Variants in PYCR3 observed in about 807,000 individuals in gnomAD.
PYCR3 encodes the protein pyrroline-5-carboxylate reductase 3.
In PYCR3, 26 loss-of-function variants were observed where a neutral mutation model predicts 23.4. The ratio of observed to expected loss-of-function variants is 1.11; its 90% CI spans 0.81 to 1.54. The LOEUF (loss-of-function observed/expected upper bound fraction) is 1.54, where lower values mean the gene tolerates loss of function less well. Among genes scored for constraint, PYCR3 ranks in the 40% most tolerant of loss-of-function variants. The pLI is 0.00. For synonymous variants in PYCR3, 194 were observed against 162.6 expected (o/e 1.19, Z -1.47); for missense variants, 360 against 376.3 (o/e 0.96, Z 0.36).
chr8:143,608,248 C>G lies in PYCR3; in HGVS notation c.92-122G>C, dbSNP rs1407994096. ...CGCCTGGCCCATCCTGGGCCCCCTCCTGGCCCCAGGAACCCAAAGCGGGAT... is the reference window on the plus strand; with the variant it reads ...CGCCTGGCCCATCCTGGGCCCCCTCGTGGCCCCAGGAACCCAAAGCGGGAT... On this transcript the variant is annotated intron_variant, in intron 1 of 5. Transcript: ENST00000495276. The G allele has an allele frequency of 5.5e-6, 4 of 723,292 alleles. No individual in the cohort carries two copies. The East Asian group carries it at 8.0e-5, about 14-fold the overall frequency. 44.8% of individuals were successfully genotyped at this position (723,292 alleles called of 1,614,324 possible). A position where few individuals can be genotyped will look rare whatever the true frequency, so the allele number is the denominator to read the frequency against.
In PYCR3 at chr8:143,606,946, C is replaced by T. The variant is rs370887518; in HGVS notation, c.336+7G>A. The T allele has an allele frequency of 9.6e-5, 152 of 1,588,808 alleles. No individual in the cohort carries two copies. The highest frequency in any genetic ancestry group is 1.2e-4 in the Non-Finnish European group (140 of 1,163,670). On this transcript the variant is annotated splice_region_variant and intron_variant, in intron 3 of 5. Transcript: ENST00000495276. ...GGGACCAAGGCCTTAGCCCAAGGGA[C>T]ACTCACCTCCTCCAGGGTGCTCAGA...
rs1243008132 is a variant in PYCR3, at chr8:143,603,245, T to A, written c.*2455A>T. On this transcript the variant is annotated 3_prime_UTR_variant, in exon 6 of 6. Transcript: ENST00000495276. ...GAGCATCCCTGTTTTGAAGTCTTATTTTTAAACTCTTGATCCAACGCTTGG... is the reference window on the plus strand; with the variant it reads ...GAGCATCCCTGTTTTGAAGTCTTATATTTAAACTCTTGATCCAACGCTTGG... 5.3e-5 allele frequency: 8 copies of A among 152,200 alleles called. No homozygotes were observed. The highest frequency in any genetic ancestry group is 5.2e-4 in the Admixed American group (8 of 15,284). The allele number at this position is 152,200 out of a possible 1,614,324, so 9.4% of individuals were successfully genotyped here.
chr8:143,606,036 G>A, intron 5 of PYCR3, 26 bp downstream of exon 5: 1 of 1,595,808 alleles, frequency 6.3e-7, no homozygotes, highest in South Asian at 1.1e-5. Flanking sequence ...CCTTCCCGAT[G>A]TTCCCCAGGG....
rs1314245948 is a variant in PYCR3 at position 143,605,695 on chromosome 8, C to A, written c.*5G>T. ...AGAGGCAGGAAAGGATGGCCAGAGC[C>A]CAGCCTACTTTCTGCTGAGCTCCTT... is the stretch of plus-strand genomic sequence containing the variant. On this transcript the variant is annotated 3_prime_UTR_variant, in exon 6 of 6. Coordinates refer to ENST00000495276, the MANE Select transcript of PYCR3 (RefSeq NM_023078.6). 6.3e-7 allele frequency: 1 copy of A among 1,589,144 alleles called. No individual in the cohort carries two copies.
rs1483058508 is a variant in PYCR3, at chr8:143,605,761, G to A, written c.764C>T (p.Ala255Val). The change falls in exon 6 of 6, where the codon GCA becomes GTA. Residue 255 changes from alanine to valine, a missense_variant. Physicochemically the swap from Ala to Val is moderately conservative, Grantham distance 64 (BLOSUM62 0). Transcript: ENST00000495276. ...AGCCTCCACGGCGCTCATGGTGGCT[G>A]CTCGCAGCCCGCCCTGCTCCAGGGC... ...LHALEQGGLRAATMSAVEAAT... is the reference protein window; with the variant it reads ...LHALEQGGLRVATMSAVEAAT... 2.5e-6 allele frequency: 4 copies of A among 1,610,490 alleles called. No individual in the cohort carries two copies. The East Asian group carries it at 8.9e-5, about 36-fold the overall frequency.
At position 143,603,586 on chromosome 8, in the gene PYCR3, A is replaced by G. The variant is rs1454984542; in HGVS notation, c.*2114T>C. On this transcript the variant is annotated 3_prime_UTR_variant, in exon 6 of 6. Coordinates refer to ENST00000495276, the MANE Select transcript of PYCR3 (RefSeq NM_023078.6). ...GGAGACAGGTGTTGGTGCAAAGTCA[A>G]TGATTTCTCCTTGCAGATGGGCTTG... 1.3e-5 allele frequency among the ~76,000 whole-genome samples: 2 copies of G among 152,160 alleles called. No individual in the cohort carries two copies. Among genetic ancestry groups the G allele is most frequent in the South Asian group, 2.1e-4 (1 of 4,832 alleles).
Position 143,605,265 on chromosome 8 carries a change from C to G in PYCR3, c.*435G>C, listed in dbSNP as rs1376569875. ...AGCTGAGATGAGGCAGCCGGCCTGG[C>G]TGTAGCTGCACGGAGCCACCTGGAA... On this transcript the variant is annotated 3_prime_UTR_variant, in exon 6 of 6. Transcript: ENST00000495276. 3.5e-6 allele frequency: 1 copy of G among 282,770 alleles called. No homozygotes were observed. The highest frequency in any genetic ancestry group is 6.9e-6 in the Non-Finnish European group (1 of 144,838). The allele number at this position is 282,770 out of a possible 1,614,324, so 17.5% of individuals were successfully genotyped here.
In PYCR3 at chr8:143,603,622, A is replaced by C. The variant is rs1184093591; in HGVS notation, c.*2078T>G. Among the ~76,000 whole-genome samples, 1 of 152,222 alleles carries C rather than the reference A, an allele frequency of 6.6e-6. No homozygotes were observed. The highest frequency in any genetic ancestry group is 1.5e-5 in the Non-Finnish European group (1 of 68,032). Reference sequence around the variant, plus strand: ...TTGCAGATGGGCTTGGTGTGAATGCAGGTGGCCGTCAGAAGGGCTGTCCAC... The same window carrying C: ...TTGCAGATGGGCTTGGTGTGAATGCCGGTGGCCGTCAGAAGGGCTGTCCAC... On this transcript the variant is annotated 3_prime_UTR_variant, in exon 6 of 6. Coordinates refer to ENST00000495276, the MANE Select transcript of PYCR3 (RefSeq NM_023078.6).
chr8:143,605,982 G>A (rs989765359), intron 5 of PYCR3, 80 bp downstream of exon 5: 17 of 1,556,650 alleles, frequency 1.1e-5, no homozygotes, highest in Admixed American at 1.8e-5. Flanking sequence ...CCAGCTTCTC[G>A]AGCCTGCTGT....
intron 4 of PYCR3, 88 bp from the exon 5 acceptor site, chr8:143,606,242 G>A (rs1462541868): frequency 1.5e-5 from 20 of 1,352,496 alleles, no homozygotes; most frequent in Admixed American, 4.1e-5. Context: ...AGCAGTAGCC[G>A]TGGGTGGCCA....
intron 3 of PYCR3, 53 bp from the exon 4 acceptor site, chr8:143,606,732 G>C: frequency 6.7e-7 from 1 of 1,503,648 alleles, no homozygotes; most frequent in Admixed American, 2.1e-5. Flanking sequence ...GCCCTGCTGG[G>C]CAGGCCCCAG....
Position 143,604,782 on chromosome 8 carries a change from AG to A in PYCR3, c.*917del, listed in dbSNP as rs1213317207. The A allele has an allele frequency of 2.3e-6, 1 of 427,702 alleles. No individual in the cohort carries two copies. Among genetic ancestry groups the A allele is most frequent in the Non-Finnish European group, 4.6e-6 (1 of 216,986 alleles). The allele number at this position is 427,702 out of a possible 1,614,324, so 26.5% of individuals were successfully genotyped here. A position where few individuals can be genotyped will look rare whatever the true frequency, so the allele number is the denominator to read the frequency against. ...TGGCTTTCCTGACCTGCCGTCCGTT[AG>A]GGACAGGTGGAGGGGCCAAGTCTTG... On this transcript the variant is annotated 3_prime_UTR_variant, in exon 6 of 6. Coordinates refer to ENST00000495276, the MANE Select transcript of PYCR3 (RefSeq NM_023078.6).
chr8:143,604,735 G>T lies in PYCR3; in HGVS notation c.*965C>A, dbSNP rs991378433. 22 of 378,750 alleles carry T rather than the reference G, an allele frequency of 5.8e-5. No homozygotes were observed. The highest frequency in any genetic ancestry group is 4.7e-4 in the African/African-American group (22 of 46,596). The allele number at this position is 378,750 out of a possible 1,614,324, so 23.5% of individuals were successfully genotyped here. A position where few individuals can be genotyped will look rare whatever the true frequency, so the allele number is the denominator to read the frequency against. ...TAGAACCCTAGCCTTCAATCCTGGG[G>T]GTTTGCTTCTCCCCTGAGTCCTGGC... On this transcript the variant is annotated 3_prime_UTR_variant, in exon 6 of 6. Transcript: ENST00000495276.
rs1445802576 is a variant in PYCR3, at chr8:143,605,552, C to T, written c.*148G>A. ...GGCTCCCCCGCCTGCTGGAACCTCC[C>T]AAGTCCTGCCCCCTGCATTTCCCTG... On this transcript the variant is annotated 3_prime_UTR_variant, in exon 6 of 6. Transcript: ENST00000495276. The T allele has an allele frequency of 2.6e-6, 2 of 778,872 alleles. No individual in the cohort carries two copies. 48.2% of individuals were successfully genotyped at this position (778,872 alleles called of 1,614,324 possible). A position where few individuals can be genotyped will look rare whatever the true frequency, so the allele number is the denominator to read the frequency against.
rs1829332570 is a variant in PYCR3 at position 143,604,395 on chromosome 8, G to A, written c.*1305C>T. 1 of 169,354 alleles carries A rather than the reference G, an allele frequency of 5.9e-6. No individual in the cohort carries two copies. The highest frequency in any genetic ancestry group is 2.4e-5 in the African/African-American group (1 of 41,560). The allele number at this position is 169,354 out of a possible 1,614,324, so 10.5% of individuals were successfully genotyped here. ...AGGCTCAGGAGAGTAAGAGAGAGCA[G>A]ATGAAGGGCAGAAGTCCGTGGCCGC... On this transcript the variant is annotated 3_prime_UTR_variant, in exon 6 of 6. Transcript: ENST00000495276.
intron 1 of PYCR3, 108 bp from the exon 2 acceptor site, chr8:143,608,234 TC>T: frequency 1.2e-6 from 1 of 837,404 alleles, no homozygotes. Context: ...GCCTGGCCCA[TC>T]CTGGGCCCCC....
At chr8:143,607,413 TGCAC>T (rs1421906182) in intron 2 of PYCR3, among the ~76,000 whole-genome samples, 2 of 152,146 alleles carry the variant, frequency 1.3e-5, no homozygotes, top group Admixed American at 1.3e-4. Flanking sequence ...CCCATGCACA[TGCAC>T]GCACTCACGA....
Position 143,606,964 on chromosome 8 carries a change from T to A in PYCR3, c.325A>T (p.Thr109Ser), listed in dbSNP as rs1305839419. The A allele has an allele frequency of 1.2e-6, 2 of 1,603,174 alleles. 1 individual carries two copies. Among genetic ancestry groups the A allele is most frequent in the Admixed American group, 3.4e-5 (2 of 59,390 alleles). Residue 109 changes from threonine (T) to serine (S), a missense_variant, in exon 3 of 6, where the codon ACC becomes TCC. Thr to Ser is a moderately conservative substitution (Grantham distance 58). Coordinates refer to ENST00000495276, the MANE Select transcript of PYCR3 (RefSeq NM_023078.6). ...CAAGGGACACTCACCTCCTCCAGGG[T>A]GCTCAGAGACACCCCAGCAGCCACG... ...VSVAAGVSLS[T>S]LEELLPPNTR...
At chr8:143,606,241 C>G in intron 4 of PYCR3, 87 bp from the exon 5 acceptor site, 1 of 1,353,126 alleles carries the variant, frequency 7.4e-7, no homozygotes, top group Non-Finnish European at 1.0e-6. Context: ...GAGCAGTAGC[C>G]GTGGGTGGCC....
Sources: allele counts gnomAD v4.1 joint callset (sites outside exome capture counted in the v4.1 genomes callset), GRCh38; gene constraint gnomAD v4.1.1; transcripts MANE v1.5; gene names NCBI Gene and HGNC (gene_info 2026-07-23, HGNC 2026-07-21).